Variants in COL5A1 observed in about 807,000 individuals in gnomAD.
COL5A1 encodes the protein collagen type V alpha 1 chain.
Under a neutral mutation model 263.7 loss-of-function variants are expected in COL5A1, and 16 were observed. That is an observed-to-expected ratio of 0.06 (90% CI 0.04 to 0.09). The LOEUF (loss-of-function observed/expected upper bound fraction) is 0.09. COL5A1 is among the 10% of genes least tolerant of loss of function. The pLI is 1.00. For synonymous variants in COL5A1, 1,012 were observed against 1,004.5 expected, an observed-to-expected ratio of 1.01 and a Z score of -0.14; for missense variants, 2,036 against 2,540.5, an observed-to-expected ratio of 0.80 and a Z score of 4.27.
chr9:134,709,866 G>T (rs1316655381), intron 4 of COL5A1, among the ~76,000 whole-genome samples: 3 of 152,334 alleles, frequency 2.0e-5, no homozygotes, highest in Admixed American at 2.0e-4. Flanking sequence ...ATGCTGGAGG[G>T]TCTCTGGAGG....
chr9:134,653,129 G>A, intron 1 of COL5A1: 1 of 165,874 alleles, frequency 6.0e-6, no homozygotes, highest in South Asian at 1.5e-4. Flanking sequence ...TCTTTATGGT[G>A]GTCCCCGCTT....
intron 61 of COL5A1, among the ~76,000 whole-genome samples, chr9:134,823,738 G>A (rs1839124389): frequency 6.6e-6 from 1 of 152,206 alleles, no homozygotes; most frequent in South Asian, 2.1e-4. Flanking sequence ...GTATATGAAT[G>A]TGTGAACGTG....
rs768552777 is a variant in COL5A1 at position 134,765,060 on chromosome 9, C to T, written c.2035-621C>T. Among the ~76,000 whole-genome samples the T allele has an allele frequency of 6.6e-6, 1 of 151,990 alleles. No individual in the cohort carries two copies. The highest frequency in any genetic ancestry group is 1.5e-5 in the Non-Finnish European group (1 of 67,980). On this transcript the variant is annotated intron_variant, in intron 20 of 65. Coordinates refer to ENST00000371817, the MANE Select transcript of COL5A1 (RefSeq NM_000093.5). This position sits in a 1 kb window ranked among gnomAD's most constrained non-coding sequence, Gnocchi z 5.1. ...TTCTCCCGGAATCTCACTCCACCTG[C>T]GGTAAAGGGGAGGTTCTGCACGAGC...
In COL5A1 at chr9:134,686,991, G is replaced by A. The variant is rs1207158863; in HGVS notation, c.110-3921G>A. ...GGTGGATACAGTCTCCGGGAGACCC[G>A]GCGTGGTGGGGTCAGGAGGCCCCAC... is the stretch of plus-strand genomic sequence containing the variant. On this transcript the variant is annotated intron_variant, in intron 1 of 65. Transcript: ENST00000371817. The surrounding 1 kb of genome is among the most constrained non-coding windows in gnomAD (Gnocchi z 4.6). 3.3e-5 allele frequency among the ~76,000 whole-genome samples: 5 copies of A among 152,276 alleles called. No homozygotes were observed. The highest frequency in any genetic ancestry group is 2.1e-4 in the South Asian group (1 of 4,824).
intron 4 of COL5A1, among the ~76,000 whole-genome samples, chr9:134,718,218 G>A (rs1834339079): frequency 6.6e-6 from 1 of 152,232 alleles, no homozygotes; most frequent in Admixed American, 6.5e-5. Flanking sequence ...AGGACAACAT[G>A]CTCCCGCCGT....
intron 11 of COL5A1, 144 bp downstream of exon 11, chr9:134,738,952 C>A: frequency 1.4e-6 from 1 of 718,260 alleles, no homozygotes; most frequent in Non-Finnish European, 2.5e-6. Context: ...CCAGGCACTC[C>A]TCACACCAGC....
intron 18 of COL5A1, among the ~76,000 whole-genome samples, chr9:134,760,279 ACACGCACACACC>A (rs1836299304): frequency 1.8e-5 from 2 of 113,924 alleles, no homozygotes; most frequent in African/African-American, 7.1e-5. Context: ...ACACATGCAC[ACACGCACACACC>A]CCCACACCCC....
At chr9:134,785,502 T>C (rs867021457) in intron 30 of COL5A1, among the ~76,000 whole-genome samples, 1 of 152,150 alleles carries the variant, frequency 6.6e-6, no homozygotes, top group Non-Finnish European at 1.5e-5. Context: ...TGGAGCAGGC[T>C]CTGGGCATGC....
At chr9:134,747,800 CAT>C (rs1340142115) in intron 11 of COL5A1, among the ~76,000 whole-genome samples, 3 of 148,912 alleles carry the variant, frequency 2.0e-5, no homozygotes, top group Non-Finnish European at 4.4e-5. Context: ...TTCATACACA[CAT>C]GCAGACACAT....
chr9:134,786,445 C>T (rs1837462545), intron 31 of COL5A1, among the ~76,000 whole-genome samples: 2 of 152,174 alleles, frequency 1.3e-5, no homozygotes, highest in South Asian at 4.1e-4. Flanking sequence ...GGCACAGACA[C>T]CTGGGGTCCT....
At chr9:134,825,234 G>A (rs1484156723) in intron 62 of COL5A1, among the ~76,000 whole-genome samples, 1 of 152,214 alleles carries the variant, frequency 6.6e-6, no homozygotes, top group African/African-American at 2.4e-5. Flanking sequence ...CAGTGCCAGT[G>A]GAAGTAAGGG....
rs1057195558 is a variant in COL5A1 at position 134,844,365 on chromosome 9, G to A, written c.*2062G>A. The A allele has an allele frequency of 6.6e-6, 1 of 152,572 alleles. No homozygotes were observed. 9.5% of individuals were successfully genotyped at this position (152,572 alleles called of 1,614,324 possible). ...CGCGACCCCCGTGGACTGCGTCTAGGTCATGTGATTCTGTTTTCATTTCTC... is the reference window on the plus strand; with the variant it reads ...CGCGACCCCCGTGGACTGCGTCTAGATCATGTGATTCTGTTTTCATTTCTC... On this transcript the variant is annotated 3_prime_UTR_variant, in exon 66 of 66. Coordinates refer to ENST00000371817, the MANE Select transcript of COL5A1 (RefSeq NM_000093.5).
At chr9:134,780,958 A>AG (rs763658212) in intron 28 of COL5A1, among the ~76,000 whole-genome samples, 2 of 152,198 alleles carry the variant, frequency 1.3e-5, no homozygotes, top group Admixed American at 6.5e-5. Context: ...GCTTTCCGTA[A>AG]GGCATGTTGG....
chr9:134,814,824 G>A lies in COL5A1; in HGVS notation c.3934G>A (p.Gly1312Ser). The change falls in exon 50 of 66, where the codon GGC becomes AGC. Residue 1312 changes from glycine to serine, a missense_variant. Physicochemically the swap from Gly to Ser is moderately conservative, Grantham distance 56. Transcript: ENST00000371817. ...PGPKGERGEK[G>S]ESGPSGAAGP... ...ACCCAAAGGAGAAAGGGGAGAGAAG[G>A]GCGAGTCAGGCCCTTCAGGTGCTGC... 1 of 1,552,156 alleles carries A rather than the reference G, an allele frequency of 6.4e-7. No individual in the cohort carries two copies. Among genetic ancestry groups the A allele is most frequent in the Non-Finnish European group, 8.7e-7 (1 of 1,147,376 alleles).
At chr9:134,747,535 C>T (rs1835562272) in intron 11 of COL5A1, among the ~76,000 whole-genome samples, 1 of 83,988 alleles carries the variant, frequency 1.2e-5, no homozygotes, top group South Asian at 3.4e-4. Flanking sequence ...GTTCACACAT[C>T]CACACACACC....
chr9:134,727,849 G>A (rs1482033074), intron 5 of COL5A1, among the ~76,000 whole-genome samples: 5 of 152,160 alleles, frequency 3.3e-5, no homozygotes, highest in African/African-American at 1.2e-4. Flanking sequence ...AGTGGCAGCC[G>A]TGCCTGACAC....
At chr9:134,730,578 G>T in intron 7 of COL5A1, 103 bp downstream of exon 7, 4 of 1,516,528 alleles carry the variant, frequency 2.6e-6, no homozygotes, top group Non-Finnish European at 3.6e-6. Flanking sequence ...TCTCACCTTG[G>T]TGTCCTCGGG....
At chr9:134,679,010 C>T (rs545534300) in intron 1 of COL5A1, among the ~76,000 whole-genome samples, 12 of 152,284 alleles carry the variant, frequency 7.9e-5, no homozygotes, top group African/African-American at 1.7e-4. Flanking sequence ...CTCTGTTATC[C>T]GAGATGCCTT....
At chr9:134,837,171 A>G (rs1293084138) in intron 65 of COL5A1, among the ~76,000 whole-genome samples, 1 of 152,190 alleles carries the variant, frequency 6.6e-6, no homozygotes, top group African/African-American at 2.4e-5. Flanking sequence ...GGCAGTAAAC[A>G]TGGAGGTGAA....
Sources: gnomAD v4.1 joint callset for allele counts (sites outside exome capture counted in the v4.1 genomes callset) on GRCh38, gnomAD v4.1.1 for gene constraint, Gnocchi (gnomAD v3.1) non-coding constraint, MANE v1.5 for transcripts, NCBI Gene and HGNC (gene_info 2026-07-23, HGNC 2026-07-21) for gene names.